The following ABLIM2 variants were observed in gnomAD, a reference collection of about 807,000 sequenced individuals.
The protein encoded by ABLIM2 is actin binding LIM protein family member 2, also known as actin-binding LIM protein 2.
In ABLIM2, 53 loss-of-function variants were observed where a neutral mutation model predicts 97.7. That is an observed-to-expected ratio of 0.54 (90% CI 0.44 to 0.68). ABLIM2 has a LOEUF of 0.68. ABLIM2 is among the 30% of genes least tolerant of loss of function. ABLIM2 has a pLI of 0.00. For synonymous variants in ABLIM2, 361 were observed against 345.8 expected, an observed-to-expected ratio of 1.04 and a Z score of -0.49; for missense variants, 835 against 867.2, an observed-to-expected ratio of 0.96 and a Z score of 0.47.
In ABLIM2 at chr4:8,119,883, AG is replaced by A. The variant is rs1379854583; in HGVS notation, c.11-13247del. Among the ~76,000 whole-genome samples the A allele has an allele frequency of 1.1e-4, 16 of 152,234 alleles. No homozygotes were observed. In the East Asian group the frequency reaches 2.3e-3, roughly 22 times the overall value. On this transcript the variant is annotated intron_variant, in intron 1 of 20. Coordinates refer to ENST00000447017, the MANE Select transcript of ABLIM2 (RefSeq NM_001130083.2). ...GGGTCAGGGGAGGGGTTCCCAGCCC[AG>A]TGGGAAGAGCAGACCCTTCGCCTCC...
chr4:8,104,598 T>C (rs1836284952), intron 2 of ABLIM2, among the ~76,000 whole-genome samples: 1 of 152,142 alleles, frequency 6.6e-6, no homozygotes, highest in Non-Finnish European at 1.5e-5. Flanking sequence ...GGGTCTGCCT[T>C]AGCCCAAGGG....
chr4:8,020,208 C>A lies in ABLIM2; in HGVS notation c.1363G>T (p.Val455Phe), dbSNP rs368630237. ...AGCGTGTCCCGGAGCCTACCTGGGACGTGGAAGTGGCGAGGTGCCTGCTGG... is the reference window on the plus strand; with the variant it reads ...AGCGTGTCCCGGAGCCTACCTGGGAAGTGGAAGTGGCGAGGTGCCTGCTGG... ...TYQQAPRHFH[V>F]PDTGVKDNIY... The change falls in exon 13 of 21, where the codon GTC becomes TTC. Residue 455 changes from valine (V) to phenylalanine (F), a missense_variant. Transcript: ENST00000447017. 1.2e-6 allele frequency: 2 copies of A among 1,612,796 alleles called. No individual in the cohort carries two copies. The highest frequency in any genetic ancestry group is 4.5e-5 in the East Asian group (2 of 44,874).
chr4:8,086,921 C>A (rs993118735), intron 4 of ABLIM2, among the ~76,000 whole-genome samples: 2 of 151,906 alleles, frequency 1.3e-5, no homozygotes, highest in Non-Finnish European at 2.9e-5. Context: ...AGCGCCCTCC[C>A]GACCCGGTGG....
Position 8,054,918 on chromosome 4 carries a change from T to C in ABLIM2, c.764-672A>G, listed in dbSNP as rs905524044. On this transcript the variant is annotated intron_variant, in intron 7 of 20. Transcript: ENST00000447017. The surrounding 1 kb of genome is among the most constrained non-coding windows in gnomAD (Gnocchi z 4.9). ...TCTCAGTTTCTCTAGCTGTCAGTTC[T>C]GCCCAGTCACCCATGTCAACAGCCA... 6.6e-6 allele frequency among the ~76,000 whole-genome samples: 1 copy of C among 152,094 alleles called. No homozygotes were observed. Among genetic ancestry groups the C allele is most frequent in the Non-Finnish European group, 1.5e-5 (1 of 68,004 alleles).
intron 9 of ABLIM2, among the ~76,000 whole-genome samples, 157 bp from the exon 10 acceptor site, chr4:8,036,452 G>C (rs1579348412): frequency 7.9e-6 from 1 of 126,214 alleles, no homozygotes; most frequent in Non-Finnish European, 1.6e-5. Context: ...CCACAGGACA[G>C]TGCCCCCAAA....
chr4:7,998,787 A>G lies in ABLIM2; in HGVS notation c.1619-5860T>C. ...TGGGTGGGGGTGGGAGTGGGCAGGC[A>G]GGGCTGCTGTCCCTTGAGGTCCCGA... On this transcript the variant is annotated intron_variant, in intron 16 of 20. Coordinates refer to ENST00000447017, the MANE Select transcript of ABLIM2 (RefSeq NM_001130083.2). The surrounding 1 kb of genome is among the most constrained non-coding windows in gnomAD (Gnocchi z 6.4). The G allele has an allele frequency of 2.2e-6, 1 of 450,810 alleles. No individual in the cohort carries two copies. The highest frequency in any genetic ancestry group is 4.5e-6 in the Non-Finnish European group (1 of 223,260). The allele number at this position is 450,810 out of a possible 1,614,324, so 27.9% of individuals were successfully genotyped here.
At chr4:8,107,821 G>C (rs559916421) in intron 1 of ABLIM2, among the ~76,000 whole-genome samples, 1 of 152,172 alleles carries the variant, frequency 6.6e-6, no homozygotes, top group Non-Finnish European at 1.5e-5. Flanking sequence ...GTCTAGCTGA[G>C]CCCAACATCA....
Position 8,148,282 on chromosome 4 carries a change from G to A in ABLIM2, c.10+10398C>T, listed in dbSNP as rs1852153847. On this transcript the variant is annotated intron_variant, in intron 1 of 20. Transcript: ENST00000447017. The surrounding 1 kb of genome is among the most constrained non-coding windows in gnomAD (Gnocchi z 6.7). ...TCTGGAGGGGAGAGGATGAGCTGGT[G>A]GATGAGAGGGCTGCAGCTGCAGGTG... is the stretch of plus-strand genomic sequence containing the variant. 1.3e-5 allele frequency among the ~76,000 whole-genome samples: 2 copies of A among 152,244 alleles called. No individual in the cohort carries two copies. Among genetic ancestry groups the A allele is most frequent in the Non-Finnish European group, 2.9e-5 (2 of 68,050 alleles).
chr4:8,080,825 C>A, intron 4 of ABLIM2, 23 bp from the exon 5 acceptor site: 2 of 1,590,274 alleles, frequency 1.3e-6, no homozygotes, highest in Non-Finnish European at 1.7e-6. Context: ...GAAGAGAACA[C>A]AGACACCCCC....
intron 2 of ABLIM2, among the ~76,000 whole-genome samples, chr4:8,105,619 G>C (rs933838439): frequency 6.6e-6 from 1 of 152,250 alleles, no homozygotes; most frequent in Non-Finnish European, 1.5e-5. Flanking sequence ...TTATGGTTAA[G>C]CGAGTGTGAA....
chr4:7,997,383 T>C (rs1421022020), intron 16 of ABLIM2, among the ~76,000 whole-genome samples: 1 of 152,174 alleles, frequency 6.6e-6, no homozygotes, highest in African/African-American at 2.4e-5. Context: ...ATTATTTCTT[T>C]GAATAGTTTT....
chr4:8,137,586 G>A (rs1345948165), intron 1 of ABLIM2, among the ~76,000 whole-genome samples: 3 of 152,212 alleles, frequency 2.0e-5, no homozygotes, highest in Non-Finnish European at 4.4e-5. Flanking sequence ...AGGCGGTGGT[G>A]AAGAAGGGAT....
At chr4:8,016,601 G>A (rs1769430378) in intron 14 of ABLIM2, among the ~76,000 whole-genome samples, 1 of 152,144 alleles carries the variant, frequency 6.6e-6, no homozygotes, top group South Asian at 2.1e-4. Flanking sequence ...GTCCCAGGAA[G>A]AAATCACTTT....
chr4:8,097,394 G>T, intron 2 of ABLIM2, 112 bp from the exon 3 acceptor site: 1 of 1,319,418 alleles, frequency 7.6e-7, no homozygotes, highest in South Asian at 1.4e-5. Flanking sequence ...CACAGGCACT[G>T]AGGCCTCGGC....
In ABLIM2 at chr4:8,036,262, C is replaced by A; in HGVS notation, c.934G>T (p.Asp312Tyr). The A allele has an allele frequency of 6.2e-7, 1 of 1,613,854 alleles. No homozygotes were observed. Among genetic ancestry groups the A allele is most frequent in the Non-Finnish European group, 8.5e-7 (1 of 1,179,790 alleles). ...KLGGEILDYRDLAALPKSKAI... is the reference protein window; with the variant it reads ...KLGGEILDYRYLAALPKSKAI... The stretch of plus-strand genomic sequence containing the variant: ...TTACTTTTAGGAAGGGCTGCCAAGT[C>A]CCTGTAGTCCAGGATCTCACCACCA... The change falls in exon 10 of 21, where the codon GAC (aspartate) becomes TAC (tyrosine). Residue 312 changes from aspartate (D) to tyrosine (Y), a missense_variant. By Grantham distance (160) the Asp-to-Tyr change is radical (BLOSUM62 -3). Coordinates refer to ENST00000447017, the MANE Select transcript of ABLIM2 (RefSeq NM_001130083.2).
chr4:8,108,314 G>A (rs1838473351), intron 1 of ABLIM2, among the ~76,000 whole-genome samples: 1 of 152,384 alleles, frequency 6.6e-6, no homozygotes, highest in South Asian at 2.1e-4. Flanking sequence ...CTCGGCTAGG[G>A]CTGCGCCCCA....
In ABLIM2 at chr4:8,090,403, C is replaced by T. The variant is rs112526075; in HGVS notation, c.339-2119G>A. Among the ~76,000 whole-genome samples the T allele has an allele frequency of 3.2e-3, 481 of 152,330 alleles. 1 individual carries two copies. Among genetic ancestry groups the T allele is most frequent in the African/African-American group, 0.011 (464 of 41,564 alleles). On this transcript the variant is annotated intron_variant, in intron 3 of 20. Transcript: ENST00000447017. ...CCAGGTTTGTATTCATACATTCATT[C>T]GCCCACAGGACATCCTGCCTAGGAA...
chr4:8,092,006 T>C (rs974114335), intron 3 of ABLIM2, among the ~76,000 whole-genome samples: 1 of 139,560 alleles, frequency 7.2e-6, no homozygotes, highest in African/African-American at 2.7e-5. Context: ...ATAATATATA[T>C]ATATTTTTTG....
chr4:8,011,811 A>C (rs1765059040), intron 14 of ABLIM2, among the ~76,000 whole-genome samples: 1 of 152,148 alleles, frequency 6.6e-6, no homozygotes, highest in African/African-American at 2.4e-5. Flanking sequence ...ATTCCTTGGG[A>C]AATCTTTGGT....
Sources: allele counts gnomAD v4.1 joint callset (sites outside exome capture counted in the v4.1 genomes callset), GRCh38; gene constraint gnomAD v4.1.1; non-coding constraint Gnocchi (gnomAD v3.1); transcripts MANE v1.5; gene names NCBI Gene and HGNC (gene_info 2026-07-23, HGNC 2026-07-21).